INCENP: variants seen among roughly 807,000 people sequenced by gnomAD.
INCENP encodes the protein inner centromere protein.
Under a neutral mutation model 107.3 loss-of-function variants are expected in INCENP, and 43 were observed. The observed-to-expected ratio is 0.40, with a 90% confidence interval of 0.31 to 0.52. The LOEUF (loss-of-function observed/expected upper bound fraction) is 0.52, where lower values mean the gene tolerates loss of function less well. INCENP is among the 20% of genes least tolerant of loss of function. The pLI, the probability that INCENP is intolerant of heterozygous loss-of-function variation, is 0.53. For missense variants in INCENP, 1,089 were observed against 1,250.9 expected (o/e 0.87, Z 1.95); for synonymous variants, 488 against 494.4 (o/e 0.99, Z 0.17).
rs1271803237 is a variant in INCENP at position 62,140,301 on chromosome 11, G to A, written c.1343+16G>A. ...AGAGTGCCAGGTTTGCATCCGGGAAGGGGTGTGTAGGTAACTCTGAGGGCC... is the reference window on the plus strand; with the variant it reads ...AGAGTGCCAGGTTTGCATCCGGGAAAGGGTGTGTAGGTAACTCTGAGGGCC... On this transcript the variant is annotated intron_variant, in intron 8 of 18. Coordinates refer to ENST00000394818, the MANE Select transcript of INCENP (RefSeq NM_001040694.2). 1 of 1,610,416 alleles carries A rather than the reference G, an allele frequency of 6.2e-7. No individual in the cohort carries two copies. Among genetic ancestry groups the A allele is most frequent in the South Asian group, 1.1e-5 (1 of 91,000 alleles).
chr11:62,128,265 A>C lies in INCENP; in HGVS notation c.104A>C (p.Glu35Ala). The C allele has an allele frequency of 6.2e-7, 1 of 1,614,146 alleles. No individual in the cohort carries two copies. The highest frequency in any genetic ancestry group is 8.5e-7 in the Non-Finnish European group (1 of 1,180,020). Residue 35 changes from glutamate (E) to alanine (A), a missense_variant, in exon 2 of 19, where the codon GAG becomes GCG. Transcript: ENST00000394818. The stretch of plus-strand genomic sequence containing the variant: ...GATAATAAGGACTTGGTGTGGCTTG[A>C]GGAAATCCAAGAGGAGGCCGAGCGC... The part of the protein sequence containing the change: ...NMDNKDLVWL[E>A]EIQEEAERMF...
chr11:62,126,400 G>C (rs564924614), intron 1 of INCENP, among the ~76,000 whole-genome samples: 1 of 152,232 alleles, frequency 6.6e-6, no homozygotes, highest in South Asian at 2.1e-4. Flanking sequence ...GTTTCACCAC[G>C]TTGGCCAGGC....
At chr11:62,141,676 G>A (rs931817551) in intron 11 of INCENP, 165 bp downstream of exon 11, 5 of 912,028 alleles carry the variant, frequency 5.5e-6, no homozygotes, top group East Asian at 2.4e-5. Context: ...GGCTGGAGGC[G>A]CCCAGCAGTT....
intron 18 of INCENP, among the ~76,000 whole-genome samples, chr11:62,150,411 AC>A (rs1287865586): frequency 6.6e-6 from 1 of 152,284 alleles, no homozygotes; most frequent in Middle Eastern, 3.4e-3. Flanking sequence ...TGAGGACCAG[AC>A]CTATGAGGTT....
intron 11 of INCENP, among the ~76,000 whole-genome samples, chr11:62,144,525 A>G (rs1944195395): frequency 1.3e-5 from 2 of 152,162 alleles, no homozygotes. Context: ...TAGTATGGAT[A>G]TTATAAAGCA....
At chr11:62,128,661 C>T in intron 2 of INCENP, 109 bp from the exon 3 acceptor site, 2 of 798,180 alleles carry the variant, frequency 2.5e-6, no homozygotes, top group Non-Finnish European at 4.3e-6. Context: ...TGCTGGACAC[C>T]CCAGCTTGAC....
chr11:62,148,376 G>A, intron 15 of INCENP, 100 bp from the exon 16 acceptor site: 1 of 1,070,552 alleles, frequency 9.3e-7, no homozygotes, highest in Non-Finnish European at 1.4e-6. Context: ...TTTCTAAGGT[G>A]TGTCCTACTG....
At chr11:62,147,664 G>A (rs1630142) in intron 15 of INCENP, among the ~76,000 whole-genome samples, 1 of 152,136 alleles carries the variant, frequency 6.6e-6, no homozygotes, top group African/African-American at 2.4e-5. Flanking sequence ...CGGGCAGCAC[G>A]TTTTTTCCGT....
At chr11:62,148,380 CCTA>C in intron 15 of INCENP, 93 bp from the exon 16 acceptor site, 3 of 1,131,952 alleles carry the variant, frequency 2.7e-6, no homozygotes, top group Middle Eastern at 2.0e-4. Flanking sequence ...TAAGGTGTGT[CCTA>C]CTGGCTGGGC....
intron 4 of INCENP, among the ~76,000 whole-genome samples, chr11:62,133,963 C>G (rs1943941086): frequency 6.6e-6 from 1 of 152,180 alleles, no homozygotes; most frequent in Admixed American, 6.5e-5. Flanking sequence ...GACCAAGCCC[C>G]CATGGCTCAG....
At position 62,146,902 on chromosome 11, in the gene INCENP, G is replaced by A. The variant is rs1417876090; in HGVS notation, c.2204G>A (p.Arg735Lys). 6 of 1,601,356 alleles carry A rather than the reference G, an allele frequency of 3.7e-6. No homozygotes were observed. Among genetic ancestry groups the A allele is most frequent in the Non-Finnish European group, 5.1e-6 (6 of 1,178,850 alleles). Residue 735 changes from arginine (R) to lysine (K), a missense_variant and splice_region_variant, in exon 15 of 19, where the codon AGG becomes AAG. Transcript: ENST00000394818. ...RREQERLQAE[R>K]ELQEREKALR... ...GAGCAGGAGCGGCTCCAGGCCGAGA[G>A]GTGAGGGACCTGCTGGCCCGCCTGC...
rs1366302700 is a variant in INCENP at position 62,152,938 on chromosome 11, A to G, written c.*962A>G. 2 of 152,218 alleles carry G rather than the reference A, an allele frequency of 1.3e-5. No individual in the cohort carries two copies. The highest frequency in any genetic ancestry group is 4.8e-5 in the African/African-American group (2 of 41,456). 9.4% of individuals were successfully genotyped at this position (152,218 alleles called of 1,614,324 possible). A position where few individuals can be genotyped will look rare whatever the true frequency, so the allele number is the denominator to read the frequency against. On this transcript the variant is annotated 3_prime_UTR_variant, in exon 19 of 19. Transcript: ENST00000394818. ...TACTGTAGCCCCGGGTTGTCAAACTATGGCCTGTGGGCCAAATCCAGCCAC... is the reference window on the plus strand; with the variant it reads ...TACTGTAGCCCCGGGTTGTCAAACTGTGGCCTGTGGGCCAAATCCAGCCAC...
intron 10 of INCENP, among the ~76,000 whole-genome samples, chr11:62,141,260 C>T (rs553589771): frequency 6.6e-6 from 1 of 152,220 alleles, no homozygotes. Flanking sequence ...TGGACTACAG[C>T]CTGGAGGCTT....
chr11:62,148,553 A>G lies in INCENP; in HGVS notation c.2282A>G (p.Lys761Arg). 6.2e-7 allele frequency: 1 copy of G among 1,603,768 alleles called. No individual in the cohort carries two copies. The change falls in exon 16 of 19, where the codon AAG becomes AGG. Residue 761 changes from lysine (K) to arginine (R), a missense_variant and splice_region_variant. Lys to Arg is a conservative substitution (Grantham distance 26). Transcript: ENST00000394818. ...AGGGAACTGGAGGAGAAGAAGAAGA[A>G]GGTGAGGGGAGCTGGGTTGCGGGCT... ...LQRELEEKKK[K>R]EEQQRLAERQ...
chr11:62,140,834 C>T lies in INCENP; in HGVS notation c.1461+13C>T, dbSNP rs745580386. The T allele has an allele frequency of 1.2e-5, 20 of 1,613,494 alleles. No individual in the cohort carries two copies. The highest frequency in any genetic ancestry group is 2.7e-5 in the African/African-American group (2 of 75,040). ...CCCAGCCAGCAAGGTGAGCCAGGCA[C>T]CTGCCCTCTCCTGGAGCCCTGACCC... is the stretch of plus-strand genomic sequence containing the variant. On this transcript the variant is annotated intron_variant, in intron 9 of 18. Transcript: ENST00000394818.
chr11:62,128,058 G>T (rs1251537424), intron 1 of INCENP, 93 bp from the exon 2 acceptor site: 3 of 1,286,038 alleles, frequency 2.3e-6, no homozygotes, highest in South Asian at 2.5e-5. Context: ...TGTTTGTGGT[G>T]GTTGTGGGTC....
At chr11:62,132,025 G>A (rs1943904365) in intron 4 of INCENP, among the ~76,000 whole-genome samples, 1 of 152,168 alleles carries the variant, frequency 6.6e-6, no homozygotes, top group African/African-American at 2.4e-5. Flanking sequence ...CTGACCTCAA[G>A]TGATTCACCC....
chr11:62,149,692 G>T (rs1944331983), intron 17 of INCENP, among the ~76,000 whole-genome samples: 1 of 152,050 alleles, frequency 6.6e-6, no homozygotes, highest in African/African-American at 2.4e-5. Context: ...GAGGCCAAGG[G>T]GACAGATTAC....
Position 62,148,428 on chromosome 11 carries a change from G to T in INCENP, c.2205-48G>T, listed in dbSNP as rs766542939. ...CCAGCAGGGATGGGAACAGGGCTTG[G>T]GCTGGGCCTCCACTTCCTGTCCTAA... On this transcript the variant is annotated intron_variant, in intron 15 of 18. Transcript: ENST00000394818. The T allele has an allele frequency of 6.3e-5, 97 of 1,542,390 alleles. No homozygotes were observed. The South Asian group carries it at 9.3e-4, about 15-fold the overall frequency.
Sources: allele counts gnomAD v4.1 joint callset (sites outside exome capture counted in the v4.1 genomes callset), GRCh38; gene constraint gnomAD v4.1.1; transcripts MANE v1.5; gene names NCBI Gene and HGNC (gene_info 2026-07-23, HGNC 2026-07-21).